SLC30A8: variants seen among roughly 807,000 people sequenced by gnomAD.
SLC30A8 encodes proton-coupled zinc antiporter SLC30A8.
A neutral mutation model predicts 36.9 loss-of-function variants in SLC30A8; 27 were observed. The observed-to-expected ratio is 0.73, with a 90% confidence interval of 0.54 to 1.01. The LOEUF (loss-of-function observed/expected upper bound fraction) is 1.01. SLC30A8 is among the 50% of genes least tolerant of loss of function. The pLI is 0.00. For synonymous variants in SLC30A8, 164 were observed against 172.4 expected, an observed-to-expected ratio of 0.95 and a Z score of 0.38; for missense variants, 439 against 452.0, an observed-to-expected ratio of 0.97 and a Z score of 0.26.
At chr8:117,094,240 CCCA>C (rs1460506025) in intron 2 of SLC30A8, among the ~76,000 whole-genome samples, 1 of 152,178 alleles carries the variant, frequency 6.6e-6, no homozygotes, top group Non-Finnish European at 1.5e-5. Flanking sequence ...CTCTTTTAGC[CCCA>C]CCATTTGGCA....
At chr8:117,131,337 C>T (rs186734522), upstream of SLC30A8, among the ~76,000 whole-genome samples, 16 of 152,032 alleles carry the variant, frequency 1.1e-4, no homozygotes, top group African/African-American at 3.9e-4. Context: ...CATAAAGCTA[C>T]CTTGCTAAGA....
chr8:117,100,107 T>C (rs1819642646), intron 2 of SLC30A8, among the ~76,000 whole-genome samples: 1 of 152,156 alleles, frequency 6.6e-6, no homozygotes, highest in Admixed American at 6.5e-5. Flanking sequence ...TTTGTATAAA[T>C]AGAAAATAAT....
intron 2 of SLC30A8, among the ~76,000 whole-genome samples, chr8:117,045,375 C>G (rs1287388682): frequency 6.6e-6 from 1 of 152,072 alleles, no homozygotes; most frequent in Non-Finnish European, 1.5e-5. Flanking sequence ...CAACAAATTA[C>G]CTTTTTTTAA....
intron 3 of SLC30A8, among the ~76,000 whole-genome samples, chr8:117,154,840 T>G (rs1399201041): frequency 6.6e-6 from 1 of 152,180 alleles, no homozygotes; most frequent in African/African-American, 2.4e-5. Flanking sequence ...GCTTGTACTT[T>G]GGCATCGTGG....
intron 1 of SLC30A8, among the ~76,000 whole-genome samples, chr8:116,990,369 G>T (rs542243603): frequency 6.6e-6 from 1 of 152,010 alleles, no homozygotes; most frequent in African/African-American, 2.4e-5. Flanking sequence ...AGTGATCAAG[G>T]TTATCCTCCC....
At chr8:116,977,091 A>AT (rs1284329868) in intron 1 of SLC30A8, among the ~76,000 whole-genome samples, 15 of 148,200 alleles carry the variant, frequency 1.0e-4, no homozygotes, top group Non-Finnish European at 1.5e-5. Context: ...TGCTGGGATC[A>AT]TAGGCAGGAG....
chr8:117,109,839 G>A (rs1479539052), intron 2 of SLC30A8, among the ~76,000 whole-genome samples: 1 of 152,130 alleles, frequency 6.6e-6, no homozygotes, highest in Non-Finnish European at 1.5e-5. Flanking sequence ...ATTCAAAGAA[G>A]ACACACTTTT....
In SLC30A8 at chr8:117,161,747, G is replaced by A. The variant is rs757757654; in HGVS notation, c.582G>A (p.Val194=). Reference sequence around the variant, plus strand: ...TTGTTCTCTCTTTCAGACTAACTGTGGTTTTGCACCAGAGATGCCTTGGCC... The same window carrying A: ...TTGTTCTCTCTTTCAGACTAACTGTAGTTTTGCACCAGAGATGCCTTGGCC... ...CAVAANIVLT[V]VLHQRCLGHN... is the part of the protein sequence containing the mutation. Residue 194 remains valine, a synonymous_variant, in exon 5 of 8, where the codon GTG becomes GTA. Coordinates refer to ENST00000456015, the MANE Select transcript of SLC30A8 (RefSeq NM_173851.3). 1 of 1,613,302 alleles carries A rather than the reference G, an allele frequency of 6.2e-7. No homozygotes were observed. The highest frequency in any genetic ancestry group is 1.7e-5 in the Admixed American group (1 of 59,954).
At chr8:117,089,541 G>A (rs961226381) in intron 2 of SLC30A8, among the ~76,000 whole-genome samples, 4 of 152,222 alleles carry the variant, frequency 2.6e-5, no homozygotes, top group Admixed American at 6.5e-5. Context: ...TATCCCTTGG[G>A]CATTTTCACT....
At chr8:116,979,013 G>A (rs546373938) in intron 1 of SLC30A8, among the ~76,000 whole-genome samples, 2 of 151,132 alleles carry the variant, frequency 1.3e-5, no homozygotes, top group East Asian at 3.9e-4. Context: ...GAGGAGGGTG[G>A]ATCACTTGAG....
intron 1 of SLC30A8, among the ~76,000 whole-genome samples, chr8:116,962,665 G>A (rs1814462054): frequency 6.6e-6 from 1 of 151,928 alleles, no homozygotes; most frequent in African/African-American, 2.4e-5. Context: ...ATTGCATGTT[G>A]CTCTCAATAC....
chr8:116,965,790 T>A (rs1019162936), intron 1 of SLC30A8, among the ~76,000 whole-genome samples: 1 of 152,202 alleles, frequency 6.6e-6, no homozygotes, highest in Non-Finnish European at 1.5e-5. Context: ...GGCATTAAAA[T>A]CCCTGGATAA....
intron 1 of SLC30A8, among the ~76,000 whole-genome samples, chr8:117,020,450 C>T (rs189745115): frequency 2.6e-5 from 4 of 152,214 alleles, no homozygotes; most frequent in Non-Finnish European, 5.9e-5. Context: ...TACAAACTGT[C>T]TGGAAAGTAA....
At chr8:117,045,043 G>A (rs994524808) in intron 2 of SLC30A8, among the ~76,000 whole-genome samples, 80 of 152,346 alleles carry the variant, frequency 5.3e-4, no homozygotes, top group African/African-American at 1.8e-3. Context: ...TTTCTCTACT[G>A]ACAGCATTGC....
At chr8:117,131,582 A>G (rs974105695), upstream of SLC30A8, among the ~76,000 whole-genome samples, 1 of 152,020 alleles carries the variant, frequency 6.6e-6, no homozygotes, top group Non-Finnish European at 1.5e-5. Flanking sequence ...AGATCTACCC[A>G]AAGTCATAGA....
intron 1 of SLC30A8, among the ~76,000 whole-genome samples, chr8:116,961,559 G>A (rs2130594330): frequency 6.6e-6 from 1 of 152,160 alleles, no homozygotes; most frequent in South Asian, 2.1e-4. Context: ...TGACAGTGGA[G>A]CAAGTTTAGG....
chr8:117,120,831 G>T (rs1027751469), intron 2 of SLC30A8, among the ~76,000 whole-genome samples: 1 of 151,720 alleles, frequency 6.6e-6, no homozygotes, highest in African/African-American at 2.4e-5. Context: ...GGCTTGAACA[G>T]ACATTTCTCC....
At chr8:117,047,172 G>A (rs1479908892) in intron 2 of SLC30A8, among the ~76,000 whole-genome samples, 1 of 152,196 alleles carries the variant, frequency 6.6e-6, no homozygotes, top group Non-Finnish European at 1.5e-5. Context: ...GGGAGTGTGG[G>A]TGGATGGGTA....
intron 1 of SLC30A8, chr8:117,039,192 G>A (rs1369111697): frequency 6.6e-6 from 1 of 152,128 alleles, no homozygotes; most frequent in Non-Finnish European, 1.5e-5. Context: ...CTTCAGTTTA[G>A]TTGCTCATTT....
Sources: allele counts gnomAD v4.1 joint callset (sites outside exome capture counted in the v4.1 genomes callset), GRCh38; gene constraint gnomAD v4.1.1; transcripts MANE v1.5; gene names NCBI Gene and HGNC (gene_info 2026-07-23, HGNC 2026-07-21).